The following FNDC3B variants were observed in gnomAD, a reference collection of about 807,000 sequenced individuals.
The protein encoded by FNDC3B is fibronectin type III domain containing 3B.
In FNDC3B, 12 loss-of-function variants were observed where a neutral mutation model predicts 151.5. The ratio of observed to expected loss-of-function variants is 0.08; its 90% CI spans 0.05 to 0.13. The LOEUF is 0.13. Among genes scored for constraint, FNDC3B ranks in the 10% least tolerant of loss-of-function variants. FNDC3B has a pLI of 1.00. For synonymous variants in FNDC3B, 528 were observed against 549.0 expected, an observed-to-expected ratio of 0.96 and a Z score of 0.54; for missense variants, 1,214 against 1,505.3, an observed-to-expected ratio of 0.81 and a Z score of 3.20.
chr3:172,185,476 A>G (rs1204843340), intron 3 of FNDC3B, among the ~76,000 whole-genome samples: 3 of 152,148 alleles, frequency 2.0e-5, no homozygotes, highest in Non-Finnish European at 4.4e-5. Flanking sequence ...GCATTGTTAC[A>G]CTGGGGAAGA....
chr3:172,334,979 A>G lies in FNDC3B; in HGVS notation c.1677A>G (p.Pro559=). The change falls in exon 15 of 26, where the codon CCA becomes CCG. Residue 559 remains proline, a synonymous_variant. Coordinates refer to ENST00000415807, the MANE Select transcript of FNDC3B (RefSeq NM_022763.4). The stretch of plus-strand genomic sequence containing the variant: ...CTAATACGGAAGGAAAAAGCTGTCC[A>G]AGCGAAGTTCTTGTTTGTACGACGA... The part of the protein sequence containing the change: ...TASNTEGKSC[P]SEVLVCTTSP... 2 of 1,613,942 alleles carry G rather than the reference A, an allele frequency of 1.2e-6. No homozygotes were observed. Among genetic ancestry groups the G allele is most frequent in the South Asian group, 2.2e-5 (2 of 91,036 alleles).
At chr3:172,341,474 A>C (rs980949915) in intron 17 of FNDC3B, among the ~76,000 whole-genome samples, 5 of 152,186 alleles carry the variant, frequency 3.3e-5, no homozygotes, top group African/African-American at 1.2e-4. Context: ...ATTTCTCAGA[A>C]GGCTTTGACA....
At chr3:172,133,998 G>A (rs1034032908) in intron 3 of FNDC3B, among the ~76,000 whole-genome samples, 3 of 152,142 alleles carry the variant, frequency 2.0e-5, no homozygotes, top group African/African-American at 4.8e-5. Flanking sequence ...ATGAAAGGGC[G>A]TGAATACCAA....
At chr3:172,134,262 T>G (rs1721252331) in intron 3 of FNDC3B, 1 of 467,502 alleles carries the variant, frequency 2.1e-6, no homozygotes, top group Non-Finnish European at 4.3e-6. Flanking sequence ...CTCTTCTGTA[T>G]AGTTCACTTG....
intron 3 of FNDC3B, among the ~76,000 whole-genome samples, chr3:172,215,663 G>T (rs1725941810): frequency 6.6e-6 from 1 of 152,194 alleles, no homozygotes; most frequent in South Asian, 2.1e-4. Context: ...GGCAGAGGTT[G>T]CAGTGAGCCG....
intron 19 of FNDC3B, among the ~76,000 whole-genome samples, chr3:172,345,740 G>C (rs1013864119): frequency 1.3e-5 from 2 of 152,156 alleles, no homozygotes; most frequent in Admixed American, 1.3e-4. Flanking sequence ...TCAAAGTGTG[G>C]TAAGTCTCTA....
intron 6 of FNDC3B, among the ~76,000 whole-genome samples, chr3:172,268,861 G>C (rs939020366): frequency 1.3e-5 from 2 of 152,168 alleles, no homozygotes; most frequent in Non-Finnish European, 2.9e-5. Context: ...GTCACTTGCA[G>C]CATATACCAT....
intron 11 of FNDC3B, among the ~76,000 whole-genome samples, chr3:172,315,135 G>C (rs1274957567): frequency 1.3e-5 from 2 of 152,202 alleles, no homozygotes; most frequent in African/African-American, 4.8e-5. Flanking sequence ...CTAGCACTTT[G>C]GGAGGCCCAG....
chr3:172,209,479 C>G (rs1190953973), intron 3 of FNDC3B, among the ~76,000 whole-genome samples: 1 of 152,118 alleles, frequency 6.6e-6, no homozygotes, highest in Non-Finnish European at 1.5e-5. Flanking sequence ...AGAGGAGACC[C>G]AAAGTGGTTA....
chr3:172,214,895 G>GGT (rs1463960441), intron 3 of FNDC3B, among the ~76,000 whole-genome samples: 1 of 152,226 alleles, frequency 6.6e-6, no homozygotes, highest in Non-Finnish European at 1.5e-5. Context: ...AGTTAAAAGG[G>GGT]ATCTTCTGTG....
At chr3:172,281,241 A>ATTTG (rs1729706180) in intron 6 of FNDC3B, among the ~76,000 whole-genome samples, 1 of 124,164 alleles carries the variant, frequency 8.1e-6, no homozygotes, top group African/African-American at 3.2e-5. Flanking sequence ...TTATTTATTT[A>ATTTG]TTTATTTATT....
chr3:172,112,738 CG>C (rs1720039718), intron 2 of FNDC3B, 148 bp downstream of exon 2: 1 of 640,424 alleles, frequency 1.6e-6, no homozygotes, highest in Non-Finnish European at 2.8e-6. Flanking sequence ...AATACTGTAT[CG>C]TTTTTTAAAA....
At chr3:172,313,679 G>A (rs140923095) in intron 11 of FNDC3B, among the ~76,000 whole-genome samples, 1 of 152,166 alleles carries the variant, frequency 6.6e-6, no homozygotes. Flanking sequence ...AATAAAACAC[G>A]TTGCCATATG....
At chr3:172,345,093 T>C (rs1406540006) in intron 19 of FNDC3B, among the ~76,000 whole-genome samples, 3 of 152,200 alleles carry the variant, frequency 2.0e-5, no homozygotes, top group Non-Finnish European at 4.4e-5. Flanking sequence ...GACTTTTTGT[T>C]TTAAGTGAAA....
At chr3:172,374,366 T>G (rs1018064954) in intron 23 of FNDC3B, among the ~76,000 whole-genome samples, 1 of 152,218 alleles carries the variant, frequency 6.6e-6, no homozygotes, top group Non-Finnish European at 1.5e-5. Flanking sequence ...TATATCAGGA[T>G]TAGCCTAAGC....
intron 1 of FNDC3B, among the ~76,000 whole-genome samples, chr3:172,055,690 C>G (rs1363218576): frequency 6.6e-6 from 1 of 152,040 alleles, no homozygotes; most frequent in Non-Finnish European, 1.5e-5. Context: ...TCGTGAGGAG[C>G]AGGGGCAGTG....
At chr3:172,197,320 G>C (rs1724889574) in intron 3 of FNDC3B, among the ~76,000 whole-genome samples, 1 of 152,200 alleles carries the variant, frequency 6.6e-6, no homozygotes, top group South Asian at 2.1e-4. Context: ...ACTTAGTTTA[G>C]AGAAATAATT....
chr3:172,385,856 C>G (rs1258959627), intron 25 of FNDC3B, among the ~76,000 whole-genome samples: 5 of 152,196 alleles, frequency 3.3e-5, no homozygotes, highest in African/African-American at 1.2e-4. Flanking sequence ...CCATGCCCGG[C>G]CCTTCCCCCA....
intron 4 of FNDC3B, 104 bp downstream of exon 4, chr3:172,227,051 A>C: frequency 1.3e-6 from 1 of 795,306 alleles, no homozygotes; most frequent in Admixed American, 1.9e-5. Flanking sequence ...TAATTTGGGT[A>C]CCGTAGTGCT....
Sources: gnomAD v4.1 joint callset for allele counts (sites outside exome capture counted in the v4.1 genomes callset) on GRCh38, gnomAD v4.1.1 for gene constraint, MANE v1.5 for transcripts, NCBI Gene and HGNC (gene_info 2026-07-23, HGNC 2026-07-21) for gene names.